Variants in PI4K2B observed in about 807,000 individuals in gnomAD.
PI4K2B encodes phosphatidylinositol 4-kinase type 2-beta.
A neutral mutation model predicts 56.6 loss-of-function variants in PI4K2B; 46 were observed. The observed-to-expected ratio is 0.81, with a 90% confidence interval of 0.64 to 1.04. The LOEUF (loss-of-function observed/expected upper bound fraction) is 1.04. PI4K2B is among the 50% of genes least tolerant of loss of function. The pLI is 0.00. For synonymous variants in PI4K2B, 211 were observed against 223.8 expected (o/e 0.94, Z 0.51); for missense variants, 556 against 607.7 (o/e 0.91, Z 0.89).
At chr4:25,274,634 C>T (rs540591694) in intron 9 of PI4K2B, among the ~76,000 whole-genome samples, 98 of 152,160 alleles carry the variant, frequency 6.4e-4, no homozygotes, top group African/African-American at 2.2e-3. Context: ...TCCCCAACAC[C>T]GTGAGTGCTC....
At chr4:25,236,657 G>A (rs1715274951) in intron 1 of PI4K2B, among the ~76,000 whole-genome samples, 1 of 152,190 alleles carries the variant, frequency 6.6e-6, no homozygotes, top group African/African-American at 2.4e-5. Context: ...ATGACTGGTA[G>A]CTCAGGTCTT....
intron 7 of PI4K2B, among the ~76,000 whole-genome samples, chr4:25,265,022 T>TC (rs1355363648): frequency 6.6e-6 from 1 of 151,530 alleles, no homozygotes; most frequent in African/African-American, 2.4e-5. Flanking sequence ...ATGGTGAAAC[T>TC]CCATCTCTAC....
chr4:25,258,132 C>T (rs769633357), intron 4 of PI4K2B, among the ~76,000 whole-genome samples: 16 of 151,604 alleles, frequency 1.1e-4, no homozygotes, highest in South Asian at 8.3e-4. Flanking sequence ...TTTTTAAAAC[C>T]GCTATCAATA....
chr4:25,268,372 G>C, intron 7 of PI4K2B, 71 bp from the exon 8 acceptor site: 1 of 1,309,302 alleles, frequency 7.6e-7, no homozygotes, highest in Non-Finnish European at 1.1e-6. Context: ...TTGTAGGAAA[G>C]AACCGGGAAA....
chr4:25,255,027 G>A (rs1188159052), intron 2 of PI4K2B, 38 bp from the exon 3 acceptor site: 1 of 1,358,028 alleles, frequency 7.4e-7, no homozygotes, highest in Non-Finnish European at 1.0e-6. Flanking sequence ...ATCTATATAT[G>A]TAAAAAGTCT....
At chr4:25,269,871 A>G (rs1166439835) in intron 9 of PI4K2B, among the ~76,000 whole-genome samples, 6 of 150,268 alleles carry the variant, frequency 4.0e-5, no homozygotes, top group Non-Finnish European at 8.9e-5. Context: ...CCACCACCAC[A>G]CCCGGCTGAT....
intron 1 of PI4K2B, among the ~76,000 whole-genome samples, chr4:25,244,303 A>G (rs1227652621): frequency 6.6e-6 from 1 of 152,136 alleles, no homozygotes; most frequent in Non-Finnish European, 1.5e-5. Context: ...GAGGAGGATT[A>G]TCATTAATAG....
intron 9 of PI4K2B, among the ~76,000 whole-genome samples, chr4:25,275,462 A>G (rs1717060531): frequency 6.6e-6 from 1 of 152,112 alleles, no homozygotes; most frequent in Non-Finnish European, 1.5e-5. Flanking sequence ...CTAGGAGTTC[A>G]AGACCAGTCT....
intron 1 of PI4K2B, among the ~76,000 whole-genome samples, chr4:25,248,355 G>C (rs1180911093): frequency 6.6e-6 from 1 of 152,168 alleles, no homozygotes; most frequent in Non-Finnish European, 1.5e-5. Context: ...AATAAATTCT[G>C]TAAGTTCTGG....
At chr4:25,250,217 AGGGAGAG>A (rs908303557) in intron 1 of PI4K2B, among the ~76,000 whole-genome samples, 6 of 152,056 alleles carry the variant, frequency 3.9e-5, no homozygotes, top group African/African-American at 9.7e-5. Context: ...TGCAAAGAAG[AGGGAGAG>A]GGGAGAGGGG....
chr4:25,252,122 C>T (rs376538367), intron 1 of PI4K2B, among the ~76,000 whole-genome samples, 199 bp from the exon 2 acceptor site: 12 of 151,970 alleles, frequency 7.9e-5, no homozygotes, highest in East Asian at 5.8e-4. Flanking sequence ...CCACTGTGCC[C>T]GCCCCCGCCC....
intron 9 of PI4K2B, among the ~76,000 whole-genome samples, chr4:25,276,058 G>A (rs1051279743): frequency 6.6e-6 from 1 of 152,092 alleles, no homozygotes; most frequent in Admixed American, 6.6e-5. Flanking sequence ...TATCACTATT[G>A]ACTAGTCTTT....
chr4:25,261,877 T>C (rs994646594), intron 6 of PI4K2B, among the ~76,000 whole-genome samples: 4 of 152,224 alleles, frequency 2.6e-5, no homozygotes, highest in Non-Finnish European at 4.4e-5. Context: ...CTTGTTAATA[T>C]AGGAAGTTAA....
chr4:25,254,353 A>G, intron 2 of PI4K2B: 2 of 806,438 alleles, frequency 2.5e-6, no homozygotes, highest in Non-Finnish European at 3.0e-6. Context: ...TAGATAGTGA[A>G]TAATAACACT....
intron 1 of PI4K2B, among the ~76,000 whole-genome samples, chr4:25,248,577 A>C (rs1715894638): frequency 6.7e-6 from 1 of 148,340 alleles, no homozygotes; most frequent in African/African-American, 2.5e-5. Flanking sequence ...TGCTTGGTCC[A>C]AAAGAGTGAC....
chr4:25,255,219 A>G lies in PI4K2B; in HGVS notation c.578A>G (p.Tyr193Cys), dbSNP rs1279964622. The part of the protein sequence containing the change: ...NQGYLSEAGA[Y>C]LVDNKLHLSI... ...GGGTACCTTTCCGAAGCGGGTGCCT[A>G]TCTTGTGGACAACAAGCTTCATCTG... The change falls in exon 3 of 10, where the codon TAT becomes TGT. Residue 193 changes from tyrosine to cysteine, a missense_variant. By Grantham distance (194) the Tyr-to-Cys change is radical (BLOSUM62 -2). Coordinates refer to ENST00000264864, the MANE Select transcript of PI4K2B (RefSeq NM_018323.4). The G allele has an allele frequency of 1.2e-6, 2 of 1,614,196 alleles. No individual in the cohort carries two copies. The highest frequency in any genetic ancestry group is 1.7e-6 in the Non-Finnish European group (2 of 1,180,034).
Position 25,260,627 on chromosome 4 carries a change from TATATATATATATATACAC to T in PI4K2B, c.978+38_978+55del, listed in dbSNP as rs781747353. The T allele has an allele frequency of 4.5e-3, 1,257 of 278,434 alleles. 10 individuals carry two copies. Among genetic ancestry groups the T allele is most frequent in the African/African-American group, 0.028 (965 of 34,376 alleles). The allele number at this position is 278,434 out of a possible 1,614,324, so 17.2% of individuals were successfully genotyped here. A position where few individuals can be genotyped will look rare whatever the true frequency, so the allele number is the denominator to read the frequency against. On this transcript the variant is annotated intron_variant, in intron 6 of 9. Coordinates refer to ENST00000264864, the MANE Select transcript of PI4K2B (RefSeq NM_018323.4). ...TTACAATTTTATATATATATATATATATATATATATATATACACACACACACACACACACACATACACA... is the reference window on the plus strand; with the variant it reads ...TTACAATTTTATATATATATATATATACACACACACACACACACATACACA...
intron 2 of PI4K2B, among the ~76,000 whole-genome samples, 163 bp from the exon 3 acceptor site, chr4:25,254,902 A>C (rs550712600): frequency 1.3e-5 from 2 of 152,188 alleles, no homozygotes; most frequent in African/African-American, 2.4e-5. Context: ...GATTGGAACT[A>C]AATCTCTTAA....
rs1382033572 is a variant in PI4K2B at position 25,269,001 on chromosome 4, GT to G, written c.1213-142del. On this transcript the variant is annotated intron_variant, in intron 8 of 9. Transcript: ENST00000264864. ...CTGGGAGTATACAAAAATACCTCAG[GT>G]AAAAATACTATTTTTGTTTTATTTT... The G allele has an allele frequency of 1.1e-5, 6 of 529,544 alleles. No individual in the cohort carries two copies. In the East Asian group the frequency reaches 1.5e-4, roughly 14 times the overall value. 32.8% of individuals were successfully genotyped at this position (529,544 alleles called of 1,614,324 possible).
Sources: allele counts gnomAD v4.1 joint callset (sites outside exome capture counted in the v4.1 genomes callset), GRCh38; gene constraint gnomAD v4.1.1; transcripts MANE v1.5; gene names NCBI Gene and HGNC (gene_info 2026-07-23, HGNC 2026-07-21).